HTR2A: variants seen among roughly 807,000 people sequenced by gnomAD.
The protein encoded by HTR2A is 5-HT2 receptor.
In HTR2A, 14 loss-of-function variants were observed where a neutral mutation model predicts 31.0. That is an observed-to-expected ratio of 0.45 (90% CI 0.30 to 0.71). HTR2A has a LOEUF of 0.71. Among genes scored for constraint, HTR2A ranks in the 30% least tolerant of loss-of-function variants. The pLI is 0.09. For synonymous variants in HTR2A, 209 were observed against 225.2 expected (o/e 0.93, Z 0.64); for missense variants, 442 against 573.3 (o/e 0.77, Z 2.34).
intron 3 of HTR2A, among the ~76,000 whole-genome samples, chr13:46,866,853 A>C (rs568754769): frequency 6.6e-6 from 1 of 152,110 alleles, no homozygotes; most frequent in Non-Finnish European, 1.5e-5. Flanking sequence ...CTGGTGAAAC[A>C]TATTCTCTAC....
At chr13:46,894,821 C>T (rs1340770296) in intron 2 of HTR2A, among the ~76,000 whole-genome samples, 1 of 152,200 alleles carries the variant, frequency 6.6e-6, no homozygotes, top group Admixed American at 6.5e-5. Flanking sequence ...TCCCACCCTC[C>T]TCCAAACCAG....
Position 46,834,642 on chromosome 13 carries a change from G to C in HTR2A, c.*195C>G, listed in dbSNP as rs1593423404. The stretch of plus-strand genomic sequence containing the variant: ...TCAGAAAGCTCACAGCTGAAATGCT[G>C]TCAGAACATTTTCCAAGCACACATT... On this transcript the variant is annotated 3_prime_UTR_variant, in exon 4 of 4. Transcript: ENST00000542664. 1 of 541,260 alleles carries C rather than the reference G, an allele frequency of 1.8e-6. No individual in the cohort carries two copies. The highest frequency in any genetic ancestry group is 3.2e-6 in the Non-Finnish European group (1 of 308,506). The allele number at this position is 541,260 out of a possible 1,614,324, so 33.5% of individuals were successfully genotyped here.
In HTR2A at chr13:46,846,101, G is replaced by A. The variant is rs547307459; in HGVS notation, c.614-10462C>T. Among the ~76,000 whole-genome samples the A allele has an allele frequency of 3.9e-5, 6 of 152,014 alleles. 1 individual carries two copies. The highest frequency in any genetic ancestry group is 7.4e-5 in the Non-Finnish European group (5 of 67,988). Reference sequence around the variant, plus strand: ...ATATGTTTGGAAAGCCACTGATACAGGAGAAAAAAAGCCATTAGTTTGCAA... The same window carrying A: ...ATATGTTTGGAAAGCCACTGATACAAGAGAAAAAAAGCCATTAGTTTGCAA... On this transcript the variant is annotated intron_variant, in intron 3 of 3. Transcript: ENST00000542664.
chr13:46,874,377 G>C (rs1018036595), intron 3 of HTR2A, among the ~76,000 whole-genome samples: 1 of 152,160 alleles, frequency 6.6e-6, no homozygotes, highest in Non-Finnish European at 1.5e-5. Context: ...AACCACAAGG[G>C]CCTCTTAGGG....
intron 3 of HTR2A, among the ~76,000 whole-genome samples, chr13:46,890,834 T>C (rs1951047122): frequency 6.6e-6 from 1 of 152,184 alleles, no homozygotes; most frequent in African/African-American, 2.4e-5. Context: ...CCTGAAAACC[T>C]GTCTCAGTGG....
intron 3 of HTR2A, among the ~76,000 whole-genome samples, chr13:46,857,798 G>C (rs921703215): frequency 6.6e-6 from 1 of 152,210 alleles, no homozygotes; most frequent in Non-Finnish European, 1.5e-5. Context: ...CCTCCAGAGA[G>C]AGGAACCTGG....
chr13:46,855,944 C>T (rs964000295), intron 3 of HTR2A: 1 of 152,176 alleles, frequency 6.6e-6, no homozygotes, highest in Admixed American at 6.5e-5. Context: ...CTACTATTGT[C>T]TTGTACTTAC....
intron 3 of HTR2A, among the ~76,000 whole-genome samples, chr13:46,859,709 C>A (rs4942579): frequency 1.3e-5 from 2 of 151,974 alleles, no homozygotes; most frequent in Admixed American, 1.3e-4. Flanking sequence ...CGAGGCCTCC[C>A]CAGAAGCCAC....
In HTR2A at chr13:46,858,872, T is replaced by A. The variant is rs73175513; in HGVS notation, c.614-23233A>T. Among the ~76,000 whole-genome samples the A allele has an allele frequency of 6.5e-3, 992 of 152,204 alleles. 7 individuals carry two copies. Among genetic ancestry groups the A allele is most frequent in the Middle Eastern group, 0.01 (3 of 294 alleles). ...CCATCTCAGAGGTGGAATGGCAAGG[T>A]ACAGGTCTGAGAAAAGCAGGGCAGA... On this transcript the variant is annotated intron_variant, in intron 3 of 3. Transcript: ENST00000542664.
intron 3 of HTR2A, among the ~76,000 whole-genome samples, chr13:46,883,246 C>T (rs1422646423): frequency 8.0e-6 from 1 of 125,486 alleles, no homozygotes; most frequent in East Asian, 2.6e-4. Context: ...TGCATGAAGG[C>T]AAGAGGTTAG....
intron 2 of HTR2A, among the ~76,000 whole-genome samples, chr13:46,894,299 C>T (rs1360738244): frequency 1.3e-5 from 2 of 152,126 alleles, no homozygotes; most frequent in Non-Finnish European, 2.9e-5. Flanking sequence ...CCTCCAGCCT[C>T]TGTTTTGGGT....
chr13:46,879,585 T>C (rs185256382), intron 3 of HTR2A, among the ~76,000 whole-genome samples: 32 of 152,212 alleles, frequency 2.1e-4, no homozygotes, highest in Admixed American at 1.4e-3. Context: ...AGGGGTACAA[T>C]TGGAAGATGG....
Position 46,871,867 on chromosome 13 carries a change from A to G in HTR2A, c.613+20523T>C, listed in dbSNP as rs140842255. ...TTGAAACCCAACAGTAGAAAATGGA[A>G]TTATAGAGCTGGAAAGAATTATCAA... On this transcript the variant is annotated intron_variant, in intron 3 of 3. Coordinates refer to ENST00000542664, the MANE Select transcript of HTR2A (RefSeq NM_000621.5). Among the ~76,000 whole-genome samples, 144 of 152,360 alleles carry G rather than the reference A, an allele frequency of 9.5e-4. 1 individual carries two copies. In the East Asian group the frequency reaches 0.024, roughly 25 times the overall value.
At chr13:46,890,096 C>A (rs1412655195) in intron 3 of HTR2A, among the ~76,000 whole-genome samples, 1 of 152,226 alleles carries the variant, frequency 6.6e-6, no homozygotes, top group Admixed American at 6.5e-5. Context: ...GTAATCCCAG[C>A]ACTTTGGGAG....
At chr13:46,838,562 C>A (rs1950576117) in intron 3 of HTR2A, among the ~76,000 whole-genome samples, 2 of 152,040 alleles carry the variant, frequency 1.3e-5, no homozygotes, top group African/African-American at 2.4e-5. Context: ...TATAGCAGAT[C>A]TTTTTAAACC....
rs751916625 is a variant in HTR2A at position 46,834,903 on chromosome 13, C to T, written c.1350G>A (p.Lys450=). The change falls in exon 4 of 4, where the codon AAG becomes AAA. Residue 450 remains lysine, a synonymous_variant. Coordinates refer to ENST00000542664, the MANE Select transcript of HTR2A (RefSeq NM_000621.5). Reference sequence around the variant, plus strand: ...CTTTAGAAGCCTCTTCAGAATGCTGCTTTCCTAGAGCAACCATTGAGCAGT... The same window carrying T: ...CTTTAGAAGCCTCTTCAGAATGCTGTTTTCCTAGAGCAACCATTGAGCAGT... ...DNDCSMVALG[K]QHSEEASKDN... The T allele has an allele frequency of 1.2e-5, 20 of 1,613,962 alleles. No homozygotes were observed. Among genetic ancestry groups the T allele is most frequent in the African/African-American group, 2.7e-5 (2 of 74,928 alleles).
At chr13:46,876,781 A>G (rs1288773402) in intron 3 of HTR2A, among the ~76,000 whole-genome samples, 1 of 152,110 alleles carries the variant, frequency 6.6e-6, no homozygotes, top group Non-Finnish European at 1.5e-5. Flanking sequence ...TAGATGCTTT[A>G]TGTTCACTGA....
intron 3 of HTR2A, chr13:46,854,137 G>T (rs763996384): frequency 3.9e-5 from 6 of 152,208 alleles, no homozygotes; most frequent in Admixed American, 2.0e-4. Context: ...AGTGGACTTA[G>T]TGTCAAGTCT....
chr13:46,896,862 T>C lies in HTR2A; in HGVS notation c.-517A>G. 6.5e-7 allele frequency: 1 copy of C among 1,534,456 alleles called. No homozygotes were observed. The highest frequency in any genetic ancestry group is 8.7e-7 in the Non-Finnish European group (1 of 1,145,610). Reference sequence around the variant, plus strand: ...AGAGCTGAGCCAGCTCCCGCACTGCTAGGATCCTGTTGGCTTCCTCTGGCA... The same window carrying C: ...AGAGCTGAGCCAGCTCCCGCACTGCCAGGATCCTGTTGGCTTCCTCTGGCA... On this transcript the variant is annotated 5_prime_UTR_variant, in exon 1 of 4. Coordinates refer to ENST00000542664, the MANE Select transcript of HTR2A (RefSeq NM_000621.5).
Sources: gnomAD v4.1 joint callset for allele counts (sites outside exome capture counted in the v4.1 genomes callset) on GRCh38, gnomAD v4.1.1 for gene constraint, MANE v1.5 for transcripts, NCBI Gene and HGNC (gene_info 2026-07-23, HGNC 2026-07-21) for gene names.